The following CLOCK variants were observed in gnomAD, a reference collection of about 807,000 sequenced individuals.
CLOCK encodes the protein clock circadian regulator.
Under a neutral mutation model 118.4 loss-of-function variants are expected in CLOCK, and 43 were observed. The observed-to-expected ratio is 0.36, with a 90% CI of 0.28 to 0.47. The LOEUF (loss-of-function observed/expected upper bound fraction) is 0.47, where lower values mean the gene tolerates loss of function less well. CLOCK is among the 20% of genes least tolerant of loss of function. The probability of loss-of-function intolerance (pLI) is 1.00; values close to 1 mark genes in which losing one functional copy is unlikely to be tolerated. For missense variants in CLOCK, 846 were observed against 999.9 expected (o/e 0.85, Z 2.08); for synonymous variants, 326 against 339.2 (o/e 0.96, Z 0.43).
chr4:55,477,493 T>G (rs1726599368), intron 6 of CLOCK, among the ~76,000 whole-genome samples: 1 of 152,050 alleles, frequency 6.6e-6, no homozygotes, highest in Non-Finnish European at 1.5e-5. Flanking sequence ...ATCCTAAAAT[T>G]TTTTCAGGTT....
chr4:55,448,109 T>C (rs1178740001), intron 18 of CLOCK, among the ~76,000 whole-genome samples: 1 of 152,208 alleles, frequency 6.6e-6, no homozygotes, highest in African/African-American at 2.4e-5. Context: ...ATTCACACAA[T>C]CTGCTTACAT....
intron 7 of CLOCK, among the ~76,000 whole-genome samples, chr4:55,473,308 A>T (rs1433471643): frequency 6.6e-6 from 1 of 152,086 alleles, no homozygotes; most frequent in African/African-American, 2.4e-5. Context: ...TCATAATACC[A>T]GCTATTATGA....
intron 18 of CLOCK, among the ~76,000 whole-genome samples, 164 bp downstream of exon 18, chr4:55,448,593 CACGCGCGCGTGTGTGTGTGTGT>C (rs1364798849): frequency 6.2e-5 from 4 of 64,930 alleles, no homozygotes; most frequent in African/African-American, 2.0e-4. Context: ...TGCGCGCGCG[CACGCGCGCGTGTGTGTGTGTGT>C]GTGTGTGTGT....
Position 55,435,198 on chromosome 4 carries a change from G to A in CLOCK, c.*217C>T. On this transcript the variant is annotated 3_prime_UTR_variant, in exon 23 of 23. Transcript: ENST00000513440. The stretch of plus-strand genomic sequence containing the variant: ...AGGCACCTAAAACACTGTCAGAACT[G>A]GCTATGCCCCTATGATCACCTCCTG... The A allele has an allele frequency of 1.7e-6, 1 of 582,512 alleles. No individual in the cohort carries two copies. The highest frequency in any genetic ancestry group is 1.9e-5 in the African/African-American group (1 of 53,652). The allele number at this position is 582,512 out of a possible 1,614,324, so 36.1% of individuals were successfully genotyped here.
chr4:55,478,367 A>G (rs573132230), intron 6 of CLOCK, among the ~76,000 whole-genome samples: 1 of 152,186 alleles, frequency 6.6e-6, no homozygotes, highest in South Asian at 2.1e-4. Flanking sequence ...CAACACAAAC[A>G]TGCTTCAGTG....
At chr4:55,546,328 G>C (rs1478735453) in intron 1 of CLOCK, among the ~76,000 whole-genome samples, 1 of 152,080 alleles carries the variant, frequency 6.6e-6, no homozygotes, top group Non-Finnish European at 1.5e-5. Flanking sequence ...GGGCCTCTCA[G>C]GCAGGGCGGG....
chr4:55,474,216 T>C (rs566511187), intron 7 of CLOCK, among the ~76,000 whole-genome samples: 49 of 152,304 alleles, frequency 3.2e-4, no homozygotes, highest in African/African-American at 1.1e-3. Flanking sequence ...TGGAGAAAGT[T>C]TGAGTGGTCT....
chr4:55,497,936 A>G (rs3805157), intron 2 of CLOCK, among the ~76,000 whole-genome samples: 88,405 of 151,306 alleles, frequency 0.58, 27,412 homozygotes, highest in South Asian at 0.81. Flanking sequence ...GCAAATGTAT[A>G]TAGATTTCTG....
intron 19 of CLOCK, 79 bp downstream of exon 19, chr4:55,444,554 T>G: frequency 6.4e-7 from 1 of 1,566,762 alleles, no homozygotes; most frequent in Non-Finnish European, 8.8e-7. Flanking sequence ...CATCTCACTT[T>G]TAATTAAGAA....
At chr4:55,471,851 T>A (rs1352915860) in intron 7 of CLOCK, among the ~76,000 whole-genome samples, 2 of 152,102 alleles carry the variant, frequency 1.3e-5, no homozygotes, top group Non-Finnish European at 2.9e-5. Flanking sequence ...GGCGGGAAGA[T>A]CACTTGAACC....
At chr4:55,544,559 T>C (rs574874074) in intron 1 of CLOCK, among the ~76,000 whole-genome samples, 2 of 152,336 alleles carry the variant, frequency 1.3e-5, no homozygotes, top group South Asian at 4.1e-4. Flanking sequence ...TAAATAGTCA[T>C]AAAAGGTATC....
At chr4:55,475,871 G>T in intron 7 of CLOCK, 92 bp downstream of exon 7, 2 of 809,540 alleles carry the variant, frequency 2.5e-6, no homozygotes, top group South Asian at 1.4e-5. Context: ...AACTCAACTC[G>T]CAATATCGCC....
chr4:55,497,552 C>G (rs1242552906), intron 2 of CLOCK, among the ~76,000 whole-genome samples: 1 of 152,088 alleles, frequency 6.6e-6, no homozygotes, highest in African/African-American at 2.4e-5. Context: ...GGTGAAACAT[C>G]AAAGGATAAT....
At chr4:55,480,532 T>C (rs999830099) in intron 4 of CLOCK, among the ~76,000 whole-genome samples, 28 of 152,280 alleles carry the variant, frequency 1.8e-4, no homozygotes, top group African/African-American at 6.3e-4. Context: ...TCCTAAAGTG[T>C]TGGGATTACA....
intron 2 of CLOCK, among the ~76,000 whole-genome samples, chr4:55,508,166 A>T (rs1250154247): frequency 6.6e-6 from 1 of 152,198 alleles, no homozygotes; most frequent in Non-Finnish European, 1.5e-5. Flanking sequence ...GGGACAGTGT[A>T]CTTTCATCTC....
chr4:55,520,240 C>T (rs1729775060), intron 1 of CLOCK, among the ~76,000 whole-genome samples: 1 of 152,178 alleles, frequency 6.6e-6, no homozygotes, highest in African/African-American at 2.4e-5. Flanking sequence ...CCTCATACCA[C>T]AATCCTTAAA....
chr4:55,482,653 T>C, intron 4 of CLOCK, 86 bp downstream of exon 4: 1 of 873,910 alleles, frequency 1.1e-6, no homozygotes, highest in Non-Finnish European at 1.8e-6. Flanking sequence ...ATAAAATTCC[T>C]TCTATCAATT....
chr4:55,444,670 T>C lies in CLOCK; in HGVS notation c.1655A>G (p.Gln552Arg), dbSNP rs1400686387. The change falls in exon 19 of 23, where the codon CAA (glutamine) becomes CGA (arginine). Residue 552 changes from glutamine (Q) to arginine (R), a missense_variant. By Grantham distance (43) the Gln-to-Arg change is conservative (BLOSUM62 1). This residue lies in a region of CLOCK where 520 missense variants were observed against 558.0 expected (regional missense o/e 0.93). Coordinates refer to ENST00000513440, the MANE Select transcript of CLOCK (RefSeq NM_004898.4). ...HRQQEELRKIQEQLQMVHGQG... is the reference protein window; with the variant it reads ...HRQQEELRKIREQLQMVHGQG... Reference sequence around the variant, plus strand: ...ACCATGGACCATCTGAAGTTGTTCTTGAATTTTTCTTAGTTCTTCTTGTTG... The same window carrying C: ...ACCATGGACCATCTGAAGTTGTTCTCGAATTTTTCTTAGTTCTTCTTGTTG... 1 of 1,614,128 alleles carries C rather than the reference T, an allele frequency of 6.2e-7. No individual in the cohort carries two copies. The highest frequency in any genetic ancestry group is 1.1e-5 in the South Asian group (1 of 91,086).
Position 55,479,713 on chromosome 4 carries a change from G to T in CLOCK, c.48-14C>A. 4.4e-6 allele frequency: 7 copies of T among 1,609,152 alleles called. No individual in the cohort carries two copies. Among genetic ancestry groups the T allele is most frequent in the Non-Finnish European group, 6.0e-6 (7 of 1,175,962 alleles). On this transcript the variant is annotated splice_polypyrimidine_tract_variant and intron_variant, in intron 4 of 22. Transcript: ENST00000513440. The stretch of plus-strand genomic sequence containing the variant: ...CTACTGTCATCTCTAAAAGAAAGCG[G>T]ATAGAGAAAGTAAGAGCAGACTCAC...
Sources: allele counts gnomAD v4.1 joint callset (sites outside exome capture counted in the v4.1 genomes callset), GRCh38; gene constraint gnomAD v4.1.1; regional missense constraint gnomAD v4.1.1; transcripts MANE v1.5; gene names NCBI Gene and HGNC (gene_info 2026-07-23, HGNC 2026-07-21).